Variants in CTNNA2 observed in about 807,000 individuals in gnomAD.
CTNNA2 encodes catenin alpha-2.
A neutral mutation model predicts 101.0 loss-of-function variants in CTNNA2; 42 were observed. The observed-to-expected ratio is 0.42, with a 90% CI of 0.32 to 0.54. The LOEUF (loss-of-function observed/expected upper bound fraction) is 0.54, where lower values mean the gene tolerates loss of function less well. Ranked by LOEUF, CTNNA2 falls within the 20% of genes least tolerant of loss-of-function variation. The pLI is 0.14. For missense variants in CTNNA2, 871 were observed against 1,223.1 expected, an observed-to-expected ratio of 0.71 and a Z score of 4.29; for synonymous variants, 450 against 456.4, an observed-to-expected ratio of 0.99 and a Z score of 0.18.
chr2:80,583,577 T>G (rs1169673738), intron 14 of CTNNA2, among the ~76,000 whole-genome samples: 1 of 152,174 alleles, frequency 6.6e-6, no homozygotes, highest in Non-Finnish European at 1.5e-5. Flanking sequence ...ATTGACTAAC[T>G]GCAACTCAGT....
chr2:80,273,411 G>A (rs1486397086), intron 7 of CTNNA2, among the ~76,000 whole-genome samples: 1 of 152,078 alleles, frequency 6.6e-6, no homozygotes, highest in East Asian at 1.9e-4. Context: ...AAATATCGTA[G>A]TAGCCTCAGT....
At chr2:80,228,146 T>C (rs1318408128) in intron 7 of CTNNA2, among the ~76,000 whole-genome samples, 1 of 152,198 alleles carries the variant, frequency 6.6e-6, no homozygotes, top group Non-Finnish European at 1.5e-5. Context: ...AAAATTTTGT[T>C]GTCAGTAAGA....
intron 3 of CTNNA2, among the ~76,000 whole-genome samples, chr2:79,321,023 T>C (rs930142709): frequency 1.3e-5 from 2 of 152,208 alleles, no homozygotes; most frequent in African/African-American, 4.8e-5. Flanking sequence ...AAGGTCATAA[T>C]TGTAGATAAT....
chr2:79,571,806 A>G (rs1399912039), intron 1 of CTNNA2, among the ~76,000 whole-genome samples: 1 of 152,016 alleles, frequency 6.6e-6, no homozygotes, highest in Non-Finnish European at 1.5e-5. Flanking sequence ...TATTGAAATT[A>G]TATTGTTTTT....
intron 3 of CTNNA2, among the ~76,000 whole-genome samples, chr2:79,803,285 A>G (rs748969503): frequency 6.8e-4 from 104 of 152,356 alleles, no homozygotes; most frequent in Non-Finnish European, 1.3e-3. Context: ...AGGAATTAAG[A>G]TACACACACA....
intron 7 of CTNNA2, among the ~76,000 whole-genome samples, chr2:80,003,567 GT>G (rs905729221): frequency 1.3e-5 from 2 of 152,074 alleles, no homozygotes; most frequent in Non-Finnish European, 2.9e-5. Context: ...GAAGCCATGA[GT>G]TTTTTTTCAT....
At chr2:79,848,628 T>C (rs1680430528) in intron 3 of CTNNA2, among the ~76,000 whole-genome samples, 1 of 152,228 alleles carries the variant, frequency 6.6e-6, no homozygotes, top group Admixed American at 6.5e-5. Flanking sequence ...GGCGCATTAC[T>C]GTCTCTAACG....
chr2:80,255,398 C>T (rs1414503224), intron 7 of CTNNA2, among the ~76,000 whole-genome samples: 1 of 151,858 alleles, frequency 6.6e-6, no homozygotes, highest in African/African-American at 2.4e-5. Flanking sequence ...TCCTCTTTTT[C>T]CTTTCAGAAA....
At chr2:80,248,254 A>G (rs1321569041) in intron 7 of CTNNA2, among the ~76,000 whole-genome samples, 3 of 152,136 alleles carry the variant, frequency 2.0e-5, no homozygotes, top group South Asian at 4.1e-4. Context: ...GTCAAGATAG[A>G]TGGAATTTTA....
intron 1 of CTNNA2, among the ~76,000 whole-genome samples, chr2:79,644,912 A>T (rs1680701517): frequency 6.6e-6 from 1 of 152,090 alleles, no homozygotes; most frequent in Non-Finnish European, 1.5e-5. Flanking sequence ...CTTCTCTAAA[A>T]GCCGTACGCC....
At chr2:79,260,702 A>C (rs1239610288) in intron 2 of CTNNA2, among the ~76,000 whole-genome samples, 1 of 152,164 alleles carries the variant, frequency 6.6e-6, no homozygotes, top group Non-Finnish European at 1.5e-5. Flanking sequence ...GTTAGAGTTG[A>C]AAGTGCTGAG....
intron 1 of CTNNA2, among the ~76,000 whole-genome samples, chr2:79,597,726 G>A (rs531853755): frequency 1.8e-4 from 27 of 152,230 alleles, no homozygotes; most frequent in South Asian, 1.2e-3. Context: ...AGCCTCCCCA[G>A]TGAGACCCAG....
At chr2:80,092,508 G>A (rs1699850594) in intron 7 of CTNNA2, among the ~76,000 whole-genome samples, 1 of 152,074 alleles carries the variant, frequency 6.6e-6, no homozygotes, top group Non-Finnish European at 1.5e-5. Context: ...GAAAGGTTTA[G>A]GGTAAGAAAC....
intron 2 of CTNNA2, among the ~76,000 whole-genome samples, chr2:79,226,841 T>A (rs1230417572): frequency 2.0e-5 from 3 of 152,132 alleles, no homozygotes; most frequent in Non-Finnish European, 4.4e-5. Context: ...GGGATGTTTC[T>A]GAGATACAGG....
At chr2:80,213,193 T>A (rs917950254) in intron 7 of CTNNA2, among the ~76,000 whole-genome samples, 1 of 152,090 alleles carries the variant, frequency 6.6e-6, no homozygotes, top group Non-Finnish European at 1.5e-5. Context: ...TTTTGAAGGG[T>A]TTTTTGTGTC....
chr2:80,024,164 A>T (rs989500272), intron 7 of CTNNA2, among the ~76,000 whole-genome samples: 3 of 151,766 alleles, frequency 2.0e-5, no homozygotes, highest in Admixed American at 2.0e-4. Flanking sequence ...AGATGTGTTG[A>T]TTGCTTTCAT....
At chr2:79,218,357 T>C (rs1043594405) in intron 2 of CTNNA2, among the ~76,000 whole-genome samples, 3 of 75,754 alleles carry the variant, frequency 4.0e-5, no homozygotes, top group African/African-American at 1.1e-4. Context: ...GTGTATTTTT[T>C]TTTTTTTTAG....
At chr2:79,401,342 T>TA (rs1414441250) in intron 4 of CTNNA2, among the ~76,000 whole-genome samples, 86 of 151,250 alleles carry the variant, frequency 5.7e-4, no homozygotes, top group Non-Finnish European at 1.0e-3. Context: ...TAAATATATA[T>TA]TTTTTTAAAA....
intron 1 of CTNNA2, among the ~76,000 whole-genome samples, chr2:79,594,978 T>C (rs1008396398): frequency 6.6e-6 from 1 of 152,138 alleles, no homozygotes; most frequent in Non-Finnish European, 1.5e-5. Flanking sequence ...TGAAAGATTG[T>C]GTTTCCCCCA....
Sources: allele counts gnomAD v4.1 joint callset (sites outside exome capture counted in the v4.1 genomes callset), GRCh38; gene constraint gnomAD v4.1.1; transcripts MANE v1.5; gene names NCBI Gene and HGNC (gene_info 2026-07-23, HGNC 2026-07-21).